The following CD81 variants were observed in gnomAD, a reference collection of about 807,000 sequenced individuals.
CD81 encodes the protein CD81 molecule, also known as CD81 antigen.
In CD81, 10 loss-of-function variants were observed where a neutral mutation model predicts 30.1. The ratio of observed to expected loss-of-function variants is 0.33; its 90% confidence interval spans 0.21 to 0.56. CD81 has a LOEUF of 0.56. Ranked by LOEUF, CD81 falls within the 20% of genes least tolerant of loss-of-function variation. CD81 has a pLI of 0.89. For missense variants in CD81, 263 were observed against 308.7 expected, an observed-to-expected ratio of 0.85 and a Z score of 1.11; for synonymous variants, 147 against 126.4, an observed-to-expected ratio of 1.16 and a Z score of -1.10.
At chr11:2,379,342 G>A (rs1166506697) in intron 1 of CD81, 1 of 385,378 alleles carries the variant, frequency 2.6e-6, no homozygotes, top group Non-Finnish European at 5.3e-6. Context: ...GGGAGAGTGT[G>A]GACCTGGGAG....
At chr11:2,379,754 T>C (rs1447393432) in intron 1 of CD81, among the ~76,000 whole-genome samples, 2 of 152,004 alleles carry the variant, frequency 1.3e-5, no homozygotes, top group Non-Finnish European at 2.9e-5. Flanking sequence ...TCACCGCTCC[T>C]CTCCCCAGGG....
chr11:2,377,624 T>C lies in CD81; in HGVS notation c.66+9T>C. On this transcript the variant is annotated intron_variant, in intron 1 of 7. Coordinates refer to ENST00000263645, the MANE Select transcript of CD81 (RefSeq NM_004356.4). The surrounding 1 kb of genome is among the most constrained non-coding windows in gnomAD (Gnocchi z 7.7). ...TCAATTTCGTCTTCTGGGTAAGGGC[T>C]GCGCCGGGGGCCGGGGCGGGAGGGG... 1.3e-6 allele frequency: 2 copies of C among 1,522,772 alleles called. No homozygotes were observed. Among genetic ancestry groups the C allele is most frequent in the Non-Finnish European group, 8.9e-7 (1 of 1,125,760 alleles). 94.3% of individuals were successfully genotyped at this position (1,522,772 alleles called of 1,614,324 possible).
At chr11:2,379,981 A>G (rs1037358567) in intron 1 of CD81, among the ~76,000 whole-genome samples, 1 of 152,098 alleles carries the variant, frequency 6.6e-6, no homozygotes, top group Non-Finnish European at 1.5e-5. Context: ...TCCCCAACAC[A>G]CTGCTCTGGT....
chr11:2,396,085 C>A, intron 6 of CD81, 115 bp downstream of exon 6: 1 of 589,928 alleles, frequency 1.7e-6, no homozygotes, highest in Non-Finnish European at 3.2e-6. Context: ...CACTGGGTGG[C>A]ATGGCCCCTG....
chr11:2,381,456 G>T (rs1289351013), intron 1 of CD81, among the ~76,000 whole-genome samples: 2 of 152,200 alleles, frequency 1.3e-5, no homozygotes, highest in East Asian at 3.9e-4. Flanking sequence ...TCAGAAATCT[G>T]GTTCACCCCC....
Position 2,395,860 on chromosome 11 carries a change from T to A in CD81, c.460-9T>A, listed in dbSNP as rs1184736189. The A allele has an allele frequency of 6.2e-7, 1 of 1,600,828 alleles. No homozygotes were observed. Among genetic ancestry groups the A allele is most frequent in the East Asian group, 2.2e-5 (1 of 44,806 alleles). On this transcript the variant is annotated splice_polypyrimidine_tract_variant and intron_variant, in intron 5 of 7. Transcript: ENST00000263645. Reference sequence around the variant, plus strand: ...TCCAGGGCTGACCTTGCACCCCTGCTCTCTGCAGCTTGACTGCTGTGGCTC... The same window carrying A: ...TCCAGGGCTGACCTTGCACCCCTGCACTCTGCAGCTTGACTGCTGTGGCTC...
intron 1 of CD81, among the ~76,000 whole-genome samples, chr11:2,389,108 C>T (rs189063955): frequency 1.7e-3 from 254 of 152,258 alleles, no homozygotes; most frequent in African/African-American, 5.6e-3. Flanking sequence ...GTCCTAGGGA[C>T]GCAGAGTCCC....
chr11:2,386,078 C>A (rs1301462308), intron 1 of CD81: 14 of 717,240 alleles, frequency 2.0e-5, no homozygotes, highest in Non-Finnish European at 3.4e-5. Flanking sequence ...TGTGGTTGGT[C>A]TTTTTCGTGG....
At chr11:2,390,148 T>C in intron 1 of CD81, 1 of 588,060 alleles carries the variant, frequency 1.7e-6, no homozygotes, top group Non-Finnish European at 3.1e-6. Flanking sequence ...GTCCCGTGTC[T>C]TCCTGGCAGT....
In CD81 at chr11:2,390,473, A is replaced by G. The variant is rs775127527; in HGVS notation, c.128A>G (p.Asn43Ser). The change falls in exon 2 of 8, where the codon AAC becomes AGC. Residue 43 changes from asparagine to serine, a missense_variant. This residue lies in a region of CD81 where 84 missense variants were observed against 98.2 expected (regional missense o/e 0.86). Coordinates refer to ENST00000263645, the MANE Select transcript of CD81 (RefSeq NM_004356.4). ...LWLRHDPQTT[N>S]LLYLELGDKP... The stretch of plus-strand genomic sequence containing the variant: ...CTCCGCCATGACCCGCAGACCACCA[A>G]CCTCCTGTATCTGGAGCTGGGAGAC... The G allele has an allele frequency of 5.6e-6, 9 of 1,612,754 alleles. No homozygotes were observed. Among genetic ancestry groups the G allele is most frequent in the Non-Finnish European group, 6.8e-6 (8 of 1,180,006 alleles).
At chr11:2,384,230 T>C (rs1038600634) in intron 1 of CD81, among the ~76,000 whole-genome samples, 10 of 151,372 alleles carry the variant, frequency 6.6e-5, no homozygotes, top group African/African-American at 2.4e-4. Context: ...TTACCTGGGC[T>C]CCATCCTGAG....
At chr11:2,393,211 C>T in intron 2 of CD81, 1 of 152,528 alleles carries the variant, frequency 6.6e-6, no homozygotes, top group Non-Finnish European at 1.5e-5. Flanking sequence ...ATGGCCCCTG[C>T]CTGCTGAGGG....
In CD81 at chr11:2,397,310, C is replaced by T. The variant is rs762386257; in HGVS notation, c.*444C>T. 7 of 251,252 alleles carry T rather than the reference C, an allele frequency of 2.8e-5. No individual in the cohort carries two copies. Among genetic ancestry groups the T allele is most frequent in the Middle Eastern group, 1.5e-3 (1 of 668 alleles). 15.6% of individuals were successfully genotyped at this position (251,252 alleles called of 1,614,324 possible). ...TCTGTGGGCACTCTCTGCCTTCATG[C>T]ACCTGTCCTTTCTAACACGTCGCCT... On this transcript the variant is annotated 3_prime_UTR_variant, in exon 8 of 8. Transcript: ENST00000263645.
rs973079777 is a variant in CD81, at chr11:2,389,585, C to G, written c.67-827C>G. ...ACCCGGCGTTGAAGGCCTCTCCTCTCTGTGAGCCTCATCCCCACCTGCCAG... is the reference window on the plus strand; with the variant it reads ...ACCCGGCGTTGAAGGCCTCTCCTCTGTGTGAGCCTCATCCCCACCTGCCAG... On this transcript the variant is annotated intron_variant, in intron 1 of 7. Coordinates refer to ENST00000263645, the MANE Select transcript of CD81 (RefSeq NM_004356.4). 2.6e-5 allele frequency among the ~76,000 whole-genome samples: 4 copies of G among 152,274 alleles called. No homozygotes were observed. The East Asian group carries it at 7.7e-4, about 29-fold the overall frequency.
chr11:2,391,705 C>A (rs1350053422), intron 2 of CD81: 2 of 152,254 alleles, frequency 1.3e-5, no homozygotes, highest in Non-Finnish European at 2.9e-5. Context: ...GGCCGTGGTG[C>A]CCTCACAGGT....
intron 1 of CD81, among the ~76,000 whole-genome samples, chr11:2,379,772 C>T (rs563407685): frequency 3.3e-5 from 5 of 152,086 alleles, no homozygotes; most frequent in Admixed American, 6.5e-5. Context: ...GGGCCTGCTC[C>T]CTGCAAAGCA....
rs1322154084 is a variant in CD81, at chr11:2,394,140, G to C, written c.227G>C (p.Gly76Ala). ...IAVGAVMMFV[G>A]FLGCYGAIQE... The stretch of plus-strand genomic sequence containing the variant: ...GTGGGCGCTGTCATGATGTTCGTTG[G>C]CTTCCTGGGCTGCTACGGGGCCATC... The change falls in exon 3 of 8, where the codon GGC becomes GCC. Residue 76 changes from glycine to alanine, a missense_variant. By Grantham distance (60) the Gly-to-Ala change is moderately conservative. Transcript: ENST00000263645. The C allele has an allele frequency of 1.9e-6, 3 of 1,613,218 alleles. No individual in the cohort carries two copies. Among genetic ancestry groups the C allele is most frequent in the Admixed American group, 1.7e-5 (1 of 60,002 alleles).
At chr11:2,390,677 A>G in intron 2 of CD81, 151 bp downstream of exon 2, 1 of 699,102 alleles carries the variant, frequency 1.4e-6, no homozygotes, top group Non-Finnish European at 2.6e-6. Flanking sequence ...TCTGGGCACA[A>G]GGGTTGAGAT....
chr11:2,390,238 C>A, intron 1 of CD81, 174 bp from the exon 2 acceptor site: 1 of 684,988 alleles, frequency 1.5e-6, no homozygotes, highest in Non-Finnish European at 2.7e-6. Context: ...CCGCCCCATG[C>A]TCCTGACTCC....
Sources: allele counts gnomAD v4.1 joint callset (sites outside exome capture counted in the v4.1 genomes callset), GRCh38; gene constraint gnomAD v4.1.1; regional missense constraint gnomAD v4.1.1; non-coding constraint Gnocchi (gnomAD v3.1); transcripts MANE v1.5; gene names NCBI Gene and HGNC (gene_info 2026-07-23, HGNC 2026-07-21).